UBE2R2: variants seen among roughly 807,000 people sequenced by gnomAD.
UBE2R2 encodes ubiquitin conjugating enzyme E2 R2, also known as ubiquitin-conjugating enzyme E2 R2.
In UBE2R2, 1 loss-of-function variant was observed where a neutral mutation model predicts 27.8. That is an observed-to-expected ratio of 0.04 (90% CI 0.01 to 0.17). The LOEUF is 0.17. Ranked by LOEUF, UBE2R2 falls within the 10% of genes least tolerant of loss-of-function variation. The pLI is 1.00. For synonymous variants in UBE2R2, 106 were observed against 113.3 expected (o/e 0.94, Z 0.41); for missense variants, 100 against 291.0 (o/e 0.34, Z 4.78).
intron 2 of UBE2R2, among the ~76,000 whole-genome samples, chr9:33,899,316 C>T (rs1822193678): frequency 6.6e-6 from 1 of 152,178 alleles, no homozygotes; most frequent in South Asian, 2.1e-4. Flanking sequence ...TCTCCTGCCT[C>T]AGCCTCCTGA....
chr9:33,840,416 C>CT (rs957405675), intron 1 of UBE2R2, among the ~76,000 whole-genome samples: 18 of 152,084 alleles, frequency 1.2e-4, no homozygotes, highest in East Asian at 9.6e-4. Flanking sequence ...GCCTCTATCC[C>CT]TTTTTTTTCC....
intron 3 of UBE2R2, among the ~76,000 whole-genome samples, chr9:33,907,921 C>G (rs555689208): frequency 6.6e-6 from 1 of 152,134 alleles, no homozygotes; most frequent in Non-Finnish European, 1.5e-5. Context: ...CTCCACCTCC[C>G]GGGTTCAAAC....
intron 3 of UBE2R2, among the ~76,000 whole-genome samples, chr9:33,909,689 C>T (rs1055058097): frequency 1.3e-5 from 2 of 151,914 alleles, no homozygotes. Context: ...AAAGTGCTGG[C>T]ATTACAGGCG....
intron 2 of UBE2R2, among the ~76,000 whole-genome samples, chr9:33,890,329 A>T (rs1300812257): frequency 6.6e-6 from 1 of 151,638 alleles, no homozygotes; most frequent in Admixed American, 6.6e-5. Context: ...CTCACCCTAT[A>T]ATCCCAGCAC....
At chr9:33,831,249 C>T (rs1224161776) in intron 1 of UBE2R2, among the ~76,000 whole-genome samples, 1 of 151,538 alleles carries the variant, frequency 6.6e-6, no homozygotes, top group Non-Finnish European at 1.5e-5. Flanking sequence ...CAAGACTGGC[C>T]GAGCAACGTA....
chr9:33,833,232 T>C (rs1257846523), intron 1 of UBE2R2, among the ~76,000 whole-genome samples: 1 of 151,688 alleles, frequency 6.6e-6, no homozygotes, highest in Non-Finnish European at 1.5e-5. Flanking sequence ...GCCTGGCTAA[T>C]TTTTTTTTAT....
chr9:33,827,430 T>A (rs1820338976), intron 1 of UBE2R2, among the ~76,000 whole-genome samples: 1 of 151,378 alleles, frequency 6.6e-6, no homozygotes, highest in Admixed American at 6.6e-5. Context: ...CACTTGAGAT[T>A]AGGAGTTCGG....
intron 1 of UBE2R2, among the ~76,000 whole-genome samples, chr9:33,859,023 A>C (rs1821166540): frequency 6.6e-6 from 1 of 150,626 alleles, no homozygotes; most frequent in Admixed American, 6.6e-5. Context: ...ACAGGGTTTC[A>C]CCATGTTGGC....
chr9:33,816,417 TG>T (rs1479066457), upstream of UBE2R2, among the ~76,000 whole-genome samples: 1 of 152,210 alleles, frequency 6.6e-6, no homozygotes, highest in African/African-American at 2.4e-5. Context: ...ATTTTACAAA[TG>T]GCGAAGGCGA....
intron 1 of UBE2R2, among the ~76,000 whole-genome samples, chr9:33,853,622 A>G (rs904412119): frequency 1.3e-5 from 2 of 151,156 alleles, no homozygotes; most frequent in African/African-American, 4.9e-5. Context: ...TATTCTTACC[A>G]TTTTCAAATT....
chr9:33,875,324 T>G (rs1821580171), intron 1 of UBE2R2, among the ~76,000 whole-genome samples: 3 of 152,244 alleles, frequency 2.0e-5, no homozygotes, highest in Admixed American at 2.0e-4. Context: ...CTATAATGGG[T>G]AAGAGCAAAT....
intron 3 of UBE2R2, among the ~76,000 whole-genome samples, chr9:33,907,716 A>G (rs542983181): frequency 4.5e-4 from 69 of 152,214 alleles, no homozygotes; most frequent in African/African-American, 1.6e-3. Flanking sequence ...TGCTAGTCCA[A>G]CCTCTTGTTT....
intron 1 of UBE2R2, among the ~76,000 whole-genome samples, chr9:33,860,927 CTG>C (rs1821217096): frequency 7.0e-6 from 1 of 143,394 alleles, no homozygotes; most frequent in South Asian, 2.5e-4. Context: ...ATCGTTAACC[CTG>C]TGTTAAGTTT....
chr9:33,863,754 C>G (rs781032505), intron 1 of UBE2R2, among the ~76,000 whole-genome samples: 1 of 152,032 alleles, frequency 6.6e-6, no homozygotes, highest in African/African-American at 2.4e-5. Context: ...GTGGCATGAT[C>G]TCGGTTCACT....
At chr9:33,902,699 G>T (rs149633249) in intron 3 of UBE2R2, among the ~76,000 whole-genome samples, 4 of 152,210 alleles carry the variant, frequency 2.6e-5, no homozygotes, top group African/African-American at 9.6e-5. Context: ...GAGATATTCT[G>T]TAATTGAGAA....
chr9:33,824,593 C>T (rs376568181), intron 1 of UBE2R2, among the ~76,000 whole-genome samples: 6 of 149,480 alleles, frequency 4.0e-5, no homozygotes, highest in Non-Finnish European at 8.9e-5. Flanking sequence ...GAACTGATAT[C>T]GAGGCACTGC....
chr9:33,861,898 G>T (rs1278625201), intron 1 of UBE2R2, among the ~76,000 whole-genome samples: 2 of 146,190 alleles, frequency 1.4e-5, no homozygotes, highest in African/African-American at 5.0e-5. Flanking sequence ...CTGTCGCCCG[G>T]GCTGGAGTGC....
intron 2 of UBE2R2, among the ~76,000 whole-genome samples, chr9:33,887,583 T>G (rs1464054844): frequency 6.6e-6 from 1 of 152,216 alleles, no homozygotes; most frequent in African/African-American, 2.4e-5. Context: ...CTCAGGTTGA[T>G]ATATGAGGGC....
Position 33,821,149 on chromosome 9 carries a change from C to A in UBE2R2, c.177+3215C>A, listed in dbSNP as rs117100729. On this transcript the variant is annotated intron_variant, in intron 1 of 4. Transcript: ENST00000263228. ...TAATGAAGACTTTTAACAAGTTCACCCCCTTTCTTTTGAAAGGAACTTTTT... is the reference window on the plus strand; with the variant it reads ...TAATGAAGACTTTTAACAAGTTCACACCCTTTCTTTTGAAAGGAACTTTTT... Among the ~76,000 whole-genome samples the A allele has an allele frequency of 8.9e-4, 135 of 152,184 alleles. No individual in the cohort carries two copies. In the East Asian group the frequency reaches 0.023, roughly 26 times the overall value.
Sources: gnomAD v4.1 joint callset for allele counts (sites outside exome capture counted in the v4.1 genomes callset) on GRCh38, gnomAD v4.1.1 for gene constraint, MANE v1.5 for transcripts, NCBI Gene and HGNC (gene_info 2026-07-23, HGNC 2026-07-21) for gene names.